The following PLAC8L1 variants were observed in gnomAD, a reference collection of about 807,000 sequenced individuals.
PLAC8L1 encodes the protein PLAC8 like 1.
In PLAC8L1, 13 loss-of-function variants were observed where a neutral mutation model predicts 16.3. The ratio of observed to expected loss-of-function variants is 0.80; its 90% confidence interval spans 0.52 to 1.27. The LOEUF is 1.27. PLAC8L1 is among the 50% of genes most tolerant of loss of function. PLAC8L1 has a pLI of 0.00. For missense variants in PLAC8L1, 184 were observed against 220.2 expected (o/e 0.84, Z 1.04); for synonymous variants, 78 against 79.3 (o/e 0.98, Z 0.09).
At chr5:146,094,502 T>C (rs1394541729) in intron 2 of PLAC8L1, among the ~76,000 whole-genome samples, 2 of 152,248 alleles carry the variant, frequency 1.3e-5, no homozygotes, top group Non-Finnish European at 2.9e-5. Context: ...GGTTGAATCA[T>C]GAGCTGAATT....
chr5:146,102,039 C>CG (rs1283185498), intron 1 of PLAC8L1, among the ~76,000 whole-genome samples: 1 of 129,416 alleles, frequency 7.7e-6, no homozygotes, highest in African/African-American at 2.8e-5. Context: ...CTGTGTTTAC[C>CG]CTTTTTTTTT....
At position 146,084,484 on chromosome 5, in the gene PLAC8L1, G is replaced by C. The variant is rs754477002; in HGVS notation, c.482C>G (p.Ser161Cys). 6.2e-6 allele frequency: 10 copies of C among 1,614,170 alleles called. No individual in the cohort carries two copies. In the Admixed American group the frequency reaches 1.5e-4, roughly 24 times the overall value. ...QVARELKMRT[S>C]QVYEICAVPM... is the part of the protein sequence containing the mutation. The stretch of plus-strand genomic sequence containing the variant: ...GACTGCACAGATTTCATAGACTTGG[G>C]AGGTCCTCATCTTGAGTTCCCGGGC... Residue 161 changes from serine (S) to cysteine (C), a missense_variant, in exon 4 of 4, where the codon TCC becomes TGC. By Grantham distance (112) the Ser-to-Cys change is moderately radical. Coordinates refer to ENST00000311450, the MANE Select transcript of PLAC8L1 (RefSeq NM_001029869.3).
rs539107338 is a variant in PLAC8L1, at chr5:146,087,738, T to C, written c.257-2141A>G. Among the ~76,000 whole-genome samples, 10 of 152,280 alleles carry C rather than the reference T, an allele frequency of 6.6e-5. No homozygotes were observed. In the East Asian group the frequency reaches 1.9e-3, roughly 29 times the overall value. ...CTATAAAGAAATACCTGAGAATGGG[T>C]ACTTTATAAAGAAAGGAGGTTTCAT... On this transcript the variant is annotated intron_variant, in intron 2 of 3. Transcript: ENST00000311450.
intron 2 of PLAC8L1, among the ~76,000 whole-genome samples, chr5:146,096,082 G>A (rs931549264): frequency 2.0e-5 from 3 of 152,172 alleles, no homozygotes; most frequent in African/African-American, 7.2e-5. Flanking sequence ...TGAAACCAAA[G>A]TGTTGGCAGA....
intron 3 of PLAC8L1, among the ~76,000 whole-genome samples, chr5:146,084,774 G>A (rs1233520439): frequency 6.6e-6 from 1 of 152,236 alleles, no homozygotes; most frequent in Non-Finnish European, 1.5e-5. Flanking sequence ...TCAGAGCGCT[G>A]CCCTTAGGAC....
chr5:146,101,425 C>T (rs1763815176), intron 1 of PLAC8L1, among the ~76,000 whole-genome samples: 1 of 152,144 alleles, frequency 6.6e-6, no homozygotes, highest in African/African-American at 2.4e-5. Context: ...GCTACGGCAA[C>T]CGAAACAGAT....
At chr5:146,101,973 A>T (rs1288464841) in intron 1 of PLAC8L1, among the ~76,000 whole-genome samples, 1 of 152,130 alleles carries the variant, frequency 6.6e-6, no homozygotes, top group Non-Finnish European at 1.5e-5. Context: ...ATCCATTCCA[A>T]ATCAAATAAC....
rs756758311 is a variant in PLAC8L1, at chr5:146,098,311, T to TTCCAAG, written c.120-20_120-19insCTTGGA. On this transcript the variant is annotated intron_variant, in intron 1 of 3. Coordinates refer to ENST00000311450, the MANE Select transcript of PLAC8L1 (RefSeq NM_001029869.3). Reference sequence around the variant, plus strand: ...ATGGCCTCTGGAGAGTCAAGGATGATGATTAACTTGGAAACAAAGGTGTTT... The same window carrying TTCCAAG: ...ATGGCCTCTGGAGAGTCAAGGATGATTCCAAGGATTAACTTGGAAACAAAGGTGTTT... 1 of 1,608,792 alleles carries TTCCAAG rather than the reference T, an allele frequency of 6.2e-7. No homozygotes were observed. Among genetic ancestry groups the TTCCAAG allele is most frequent in the Non-Finnish European group, 8.5e-7 (1 of 1,176,886 alleles).
At chr5:146,098,995 TATC>T (rs981553710) in intron 1 of PLAC8L1, among the ~76,000 whole-genome samples, 1 of 152,234 alleles carries the variant, frequency 6.6e-6, no homozygotes, top group African/African-American at 2.4e-5. Flanking sequence ...TGAATATTCC[TATC>T]ATCAATCATT....
chr5:146,095,705 A>T (rs1763707106), intron 2 of PLAC8L1, among the ~76,000 whole-genome samples: 1 of 152,190 alleles, frequency 6.6e-6, no homozygotes, highest in Admixed American at 6.5e-5. Context: ...ATTATGCACC[A>T]TATTGGTAGG....
rs1561781029 is a variant in PLAC8L1, at chr5:146,084,449, T to C, written c.517A>G (p.Lys173Glu). The C allele has an allele frequency of 6.2e-7, 1 of 1,614,082 alleles. No individual in the cohort carries two copies. Among genetic ancestry groups the C allele is most frequent in the Non-Finnish European group, 8.5e-7 (1 of 1,179,982 alleles). ...TCTTGCTGTCAAACCAGGGTGTCCT[T>C]AGTCATTGGGACTGCACAGATTTCA... ...VYEICAVPMT[K>E]DTLV The change falls in exon 4 of 4, where the codon AAG becomes GAG. Residue 173 changes from lysine (K) to glutamate (E), a missense_variant. Lys to Glu is a moderately conservative substitution (Grantham distance 56, BLOSUM62 1). Coordinates refer to ENST00000311450, the MANE Select transcript of PLAC8L1 (RefSeq NM_001029869.3).
At chr5:146,102,007 GGAAAAA>G (rs1763826341) in intron 1 of PLAC8L1, among the ~76,000 whole-genome samples, 5 of 148,794 alleles carry the variant, frequency 3.4e-5, no homozygotes, top group Admixed American at 3.4e-4. Context: ...TTTCCTTAAT[GGAAAAA>G]GAAAATGTTT....
chr5:146,093,214 A>G (rs1432161600), intron 2 of PLAC8L1, among the ~76,000 whole-genome samples: 1 of 152,122 alleles, frequency 6.6e-6, no homozygotes, highest in Admixed American at 6.5e-5. Context: ...CTATATCTGT[A>G]TAAGTATATA....
intron 1 of PLAC8L1, among the ~76,000 whole-genome samples, chr5:146,098,716 T>A (rs1399704337): frequency 2.0e-5 from 3 of 152,212 alleles, no homozygotes; most frequent in African/African-American, 7.2e-5. Flanking sequence ...TTGAAGGACA[T>A]CTGATTCGTT....
chr5:146,087,821 C>T (rs1264816827), intron 2 of PLAC8L1, among the ~76,000 whole-genome samples: 1 of 152,170 alleles, frequency 6.6e-6, no homozygotes, highest in Admixed American at 6.5e-5. Context: ...TCTGGGGAGG[C>T]CTCAGAAAAC....
At chr5:146,094,991 CTT>C (rs1342206553) in intron 2 of PLAC8L1, among the ~76,000 whole-genome samples, 2 of 152,266 alleles carry the variant, frequency 1.3e-5, no homozygotes, top group African/African-American at 2.4e-5. Flanking sequence ...CTAAATAAAA[CTT>C]TGTGGATAAA....
chr5:146,101,530 A>G (rs1019300378), intron 1 of PLAC8L1, among the ~76,000 whole-genome samples: 1 of 152,176 alleles, frequency 6.6e-6, no homozygotes, highest in African/African-American at 2.4e-5. Flanking sequence ...GGTTGGGGGC[A>G]TATGCTGTTC....
At chr5:146,097,597 CT>C (rs1307851603) in intron 2 of PLAC8L1, among the ~76,000 whole-genome samples, 4 of 152,298 alleles carry the variant, frequency 2.6e-5, no homozygotes, top group Admixed American at 2.6e-4. Context: ...TCCAAATCAT[CT>C]TTTCATCTCA....
At chr5:146,101,594 A>AT (rs1274273162) in intron 1 of PLAC8L1, among the ~76,000 whole-genome samples, 1 of 152,184 alleles carries the variant, frequency 6.6e-6, no homozygotes, top group African/African-American at 2.4e-5. Flanking sequence ...TGGGTGCATG[A>AT]TAAGTATTTC....
Sources: allele counts gnomAD v4.1 joint callset (sites outside exome capture counted in the v4.1 genomes callset), GRCh38; gene constraint gnomAD v4.1.1; transcripts MANE v1.5; gene names NCBI Gene and HGNC (gene_info 2026-07-23, HGNC 2026-07-21).